Variants in NELL2 observed in about 807,000 individuals in gnomAD.
NELL2 encodes protein kinase C-binding protein NELL2.
A neutral mutation model predicts 109.6 loss-of-function variants in NELL2; 41 were observed. The ratio of observed to expected loss-of-function variants is 0.37; its 90% CI spans 0.29 to 0.49. NELL2 has a LOEUF of 0.49. Ranked by LOEUF, NELL2 falls within the 20% of genes least tolerant of loss-of-function variation. The probability of loss-of-function intolerance (pLI) is 0.98; values close to 1 mark genes in which losing one functional copy is unlikely to be tolerated. For missense variants in NELL2, 900 were observed against 1,008.3 expected (o/e 0.89, Z 1.45); for synonymous variants, 355 against 344.7 (o/e 1.03, Z -0.33).
intron 13 of NELL2, among the ~76,000 whole-genome samples, chr12:44,619,105 A>T (rs537969362): frequency 6.6e-6 from 1 of 152,146 alleles, no homozygotes; most frequent in Non-Finnish European, 1.5e-5. Flanking sequence ...AAAGCATTAC[A>T]TGGGAAACAG....
intron 15 of NELL2, among the ~76,000 whole-genome samples, chr12:44,556,518 AG>A (rs1474100712): frequency 6.6e-6 from 1 of 152,228 alleles, no homozygotes; most frequent in Non-Finnish European, 1.5e-5. Context: ...ACCTAAGCTG[AG>A]AAATCAGAGA....
intron 13 of NELL2, among the ~76,000 whole-genome samples, chr12:44,657,835 T>C (rs1306128680): frequency 6.6e-6 from 1 of 152,250 alleles, no homozygotes; most frequent in Non-Finnish European, 1.5e-5. Flanking sequence ...CTGCATAGTA[T>C]TCCATGATGT....
At chr12:44,862,329 T>G (rs994314863) in intron 2 of NELL2, among the ~76,000 whole-genome samples, 3 of 152,190 alleles carry the variant, frequency 2.0e-5, no homozygotes, top group Non-Finnish European at 4.4e-5. Context: ...TAGCATTCTG[T>G]TTTTAATAGT....
At chr12:44,646,317 A>T (rs921293994) in intron 13 of NELL2, among the ~76,000 whole-genome samples, 1 of 152,172 alleles carries the variant, frequency 6.6e-6, no homozygotes, top group African/African-American at 2.4e-5. Flanking sequence ...CCAGATTTCA[A>T]ACACAAGTGG....
intron 9 of NELL2, among the ~76,000 whole-genome samples, chr12:44,771,603 G>A (rs1007548409): frequency 6.6e-6 from 1 of 152,132 alleles, no homozygotes; most frequent in Non-Finnish European, 1.5e-5. Flanking sequence ...TCCTGCCTTT[G>A]GATTTTATCC....
At chr12:44,660,611 G>A (rs1947708380) in intron 13 of NELL2, among the ~76,000 whole-genome samples, 1 of 152,088 alleles carries the variant, frequency 6.6e-6, no homozygotes, top group African/African-American at 2.4e-5. Context: ...CTACCCTAAA[G>A]GATCAATTTA....
intron 1 of NELL2, among the ~76,000 whole-genome samples, chr12:44,887,102 A>G (rs565122605): frequency 6.6e-6 from 1 of 152,094 alleles, no homozygotes; most frequent in East Asian, 1.9e-4. Flanking sequence ...CCTTTTTGAT[A>G]TATTGATTTC....
At chr12:44,546,317 G>T in intron 15 of NELL2, among the ~76,000 whole-genome samples, 1 of 152,040 alleles carries the variant, frequency 6.6e-6, no homozygotes, top group Non-Finnish European at 1.5e-5. Flanking sequence ...TTCACTGATG[G>T]ATGGCTTCTA....
chr12:44,736,864 T>C (rs1000850786), intron 9 of NELL2, among the ~76,000 whole-genome samples: 1 of 152,046 alleles, frequency 6.6e-6, no homozygotes, highest in Non-Finnish European at 1.5e-5. Context: ...TTCAAACCTA[T>C]ATATGCAAGC....
intron 9 of NELL2, among the ~76,000 whole-genome samples, chr12:44,766,663 C>T (rs1941347963): frequency 6.6e-6 from 1 of 152,138 alleles, no homozygotes; most frequent in African/African-American, 2.4e-5. Flanking sequence ...GATTATCACT[C>T]TTTTGCTTTG....
At chr12:44,824,232 T>C (rs1245516599) in intron 2 of NELL2, among the ~76,000 whole-genome samples, 2 of 152,244 alleles carry the variant, frequency 1.3e-5, no homozygotes, top group Non-Finnish European at 2.9e-5. Flanking sequence ...CTCCACTCTA[T>C]TGATTGTTTC....
At chr12:44,788,706 G>C (rs968744356) in intron 3 of NELL2, among the ~76,000 whole-genome samples, 18 of 152,172 alleles carry the variant, frequency 1.2e-4, no homozygotes, top group African/African-American at 4.1e-4. Flanking sequence ...AGACTCCATA[G>C]GTGGGGAAAG....
intron 9 of NELL2, among the ~76,000 whole-genome samples, chr12:44,742,964 C>G (rs1169241834): frequency 6.6e-6 from 1 of 152,222 alleles, no homozygotes; most frequent in African/African-American, 2.4e-5. Context: ...CACAAAGATA[C>G]TTCTTGAGAA....
At chr12:44,836,755 G>T (rs955887941) in intron 2 of NELL2, among the ~76,000 whole-genome samples, 1 of 152,172 alleles carries the variant, frequency 6.6e-6, no homozygotes, top group Non-Finnish European at 1.5e-5. Context: ...ACAGAGTGAG[G>T]GGTCTACAAT....
intron 14 of NELL2, 94 bp downstream of exon 14, chr12:44,610,754 G>C: frequency 6.6e-7 from 1 of 1,526,438 alleles, no homozygotes; most frequent in African/African-American, 1.4e-5. Flanking sequence ...GAAGTACCTG[G>C]AATGTACATA....
intron 15 of NELL2, among the ~76,000 whole-genome samples, 180 bp from the exon 16 acceptor site, chr12:44,532,901 T>C (rs1423106574): frequency 6.6e-6 from 1 of 152,198 alleles, no homozygotes; most frequent in East Asian, 1.9e-4. Flanking sequence ...GTGTTATTAG[T>C]AACAGGAGAA....
At chr12:44,774,657 T>C in intron 9 of NELL2, 90 bp downstream of exon 9, 1 of 1,017,006 alleles carries the variant, frequency 9.8e-7, no homozygotes, top group Non-Finnish European at 1.5e-6. Flanking sequence ...CTATTTAGCT[T>C]GCCCAGATTA....
At chr12:44,722,800 A>T (rs1384113917) in intron 9 of NELL2, among the ~76,000 whole-genome samples, 1 of 152,144 alleles carries the variant, frequency 6.6e-6, no homozygotes, top group Non-Finnish European at 1.5e-5. Flanking sequence ...CCTGGAAGTG[A>T]TTTATTATAA....
chr12:44,777,435 G>A, intron 5 of NELL2, 121 bp from the exon 6 acceptor site: 2 of 757,672 alleles, frequency 2.6e-6, no homozygotes, highest in Admixed American at 4.6e-5. Flanking sequence ...TGAGTAAAAA[G>A]TCTTTGTTAA....
Sources: allele counts gnomAD v4.1 joint callset (sites outside exome capture counted in the v4.1 genomes callset), GRCh38; gene constraint gnomAD v4.1.1; transcripts MANE v1.5; gene names NCBI Gene and HGNC (gene_info 2026-07-23, HGNC 2026-07-21).